Variants in FNDC3B observed in about 807,000 individuals in gnomAD.
The protein encoded by FNDC3B is fibronectin type III domain containing 3B, also known as fibronectin type III domain-containing protein 3B.
Under a neutral mutation model 151.5 loss-of-function variants are expected in FNDC3B, and 12 were observed. That is an observed-to-expected ratio of 0.08 (90% confidence interval 0.05 to 0.13). FNDC3B has a LOEUF of 0.13. Among genes scored for constraint, FNDC3B ranks in the 10% least tolerant of loss-of-function variants. The probability of loss-of-function intolerance (pLI) is 1.00; values close to 1 mark genes in which losing one functional copy is unlikely to be tolerated. For synonymous variants in FNDC3B, 528 were observed against 549.0 expected (o/e 0.96, Z 0.54); for missense variants, 1,214 against 1,505.3 (o/e 0.81, Z 3.20).
chr3:172,198,550 C>A (rs772190169), intron 3 of FNDC3B, among the ~76,000 whole-genome samples: 6 of 152,168 alleles, frequency 3.9e-5, no homozygotes, highest in Non-Finnish European at 8.8e-5. Flanking sequence ...AAATCTGACA[C>A]GTGTACATGT....
rs971605042 is a variant in FNDC3B at position 172,247,911 on chromosome 3, A to G, written c.508+135A>G. 21 of 936,160 alleles carry G rather than the reference A, an allele frequency of 2.2e-5. No homozygotes were observed. In the South Asian group the frequency reaches 3.1e-4, roughly 14 times the overall value. 58.0% of individuals were successfully genotyped at this position (936,160 alleles called of 1,614,324 possible). On this transcript the variant is annotated intron_variant, in intron 5 of 25. Transcript: ENST00000415807. The stretch of plus-strand genomic sequence containing the variant: ...AGGTGGTTTGTAAGACTCATGGGGA[A>G]TTCCTAGCTTCCTTTGTCCTGAATG...
intron 3 of FNDC3B, among the ~76,000 whole-genome samples, chr3:172,184,819 TG>T (rs1724089560): frequency 6.6e-6 from 1 of 152,216 alleles, no homozygotes; most frequent in South Asian, 2.1e-4. Context: ...TTCAGGATGG[TG>T]GGGAGCAAGA....
At chr3:172,375,100 A>T (rs1342480535) in intron 23 of FNDC3B, among the ~76,000 whole-genome samples, 2 of 152,154 alleles carry the variant, frequency 1.3e-5, no homozygotes, top group Non-Finnish European at 2.9e-5. Flanking sequence ...TTTCCTTAAG[A>T]AGAGGAAAGG....
chr3:172,267,077 A>G (rs1344668730), intron 6 of FNDC3B, among the ~76,000 whole-genome samples: 1 of 152,196 alleles, frequency 6.6e-6, no homozygotes, highest in African/African-American at 2.4e-5. Context: ...ATCTGTCTCT[A>G]CTAACACAGG....
chr3:172,229,102 C>T (rs1576818611), intron 4 of FNDC3B, among the ~76,000 whole-genome samples: 2 of 149,242 alleles, frequency 1.3e-5, no homozygotes, highest in East Asian at 3.9e-4. Context: ...CACACACACA[C>T]ACACACACAC....
intron 3 of FNDC3B, among the ~76,000 whole-genome samples, chr3:172,211,454 A>T (rs1048307300): frequency 6.6e-6 from 1 of 152,248 alleles, no homozygotes; most frequent in Admixed American, 6.5e-5. Flanking sequence ...GGACATACAG[A>T]AAATGATAAA....
At chr3:172,297,005 G>A (rs1018728239) in intron 8 of FNDC3B, among the ~76,000 whole-genome samples, 2 of 152,148 alleles carry the variant, frequency 1.3e-5, no homozygotes, top group African/African-American at 2.4e-5. Flanking sequence ...CGTGCCCAGA[G>A]AGGCTCAGCA....
intron 1 of FNDC3B, among the ~76,000 whole-genome samples, chr3:172,084,604 G>T (rs548713211): frequency 1.3e-3 from 199 of 152,160 alleles, no homozygotes; most frequent in Non-Finnish European, 2.5e-3. Flanking sequence ...TTTAGCTAAT[G>T]GTTGTCTTCA....
chr3:172,284,302 C>T (rs936530659), intron 6 of FNDC3B, among the ~76,000 whole-genome samples: 5 of 152,192 alleles, frequency 3.3e-5, no homozygotes, highest in African/African-American at 1.2e-4. Flanking sequence ...GCAAAATATG[C>T]AAGAGACCTA....
chr3:172,317,236 T>G (rs1249924474), intron 11 of FNDC3B: 1 of 431,588 alleles, frequency 2.3e-6, no homozygotes, highest in East Asian at 7.1e-5. Context: ...CAGGCTGGAG[T>G]GCAGTGGTGC....
At chr3:172,262,857 ACTGCC>A (rs1728718332) in intron 6 of FNDC3B, among the ~76,000 whole-genome samples, 1 of 121,470 alleles carries the variant, frequency 8.2e-6, no homozygotes, top group South Asian at 2.9e-4. Flanking sequence ...TGATCATGCC[ACTGCC>A]CTTTCGCCTA....
intron 21 of FNDC3B, among the ~76,000 whole-genome samples, chr3:172,351,431 A>G (rs572166398): frequency 6.6e-5 from 10 of 152,358 alleles, no homozygotes; most frequent in Admixed American, 2.6e-4. Context: ...AGGGGAGAGT[A>G]GCAGGCAATG....
intron 3 of FNDC3B, among the ~76,000 whole-genome samples, chr3:172,197,103 C>T (rs960130352): frequency 8.6e-5 from 13 of 151,994 alleles, no homozygotes; most frequent in Non-Finnish European, 1.9e-4. Context: ...ATCACTTGAA[C>T]CTGGGAGGTG....
intron 22 of FNDC3B, among the ~76,000 whole-genome samples, chr3:172,353,579 A>G (rs757297760): frequency 2.6e-5 from 4 of 152,240 alleles, no homozygotes; most frequent in African/African-American, 4.8e-5. Flanking sequence ...CTGAGGGAAC[A>G]CATGTTGAGA....
In FNDC3B at chr3:172,362,615, T is replaced by A; in HGVS notation, c.2796-18T>A. ...GCTTTAACCTGCATTGTCTGTATTTTTTTTTTCCTTTCTCTAGGATCAGAA... is the reference window on the plus strand; with the variant it reads ...GCTTTAACCTGCATTGTCTGTATTTATTTTTTCCTTTCTCTAGGATCAGAA... On this transcript the variant is annotated intron_variant, in intron 22 of 25. Coordinates refer to ENST00000415807, the MANE Select transcript of FNDC3B (RefSeq NM_022763.4). 6.3e-7 allele frequency: 1 copy of A among 1,582,162 alleles called. No homozygotes were observed. Among genetic ancestry groups the A allele is most frequent in the Non-Finnish European group, 8.7e-7 (1 of 1,151,314 alleles).
chr3:172,258,585 G>T (rs902834618), intron 6 of FNDC3B, among the ~76,000 whole-genome samples: 2 of 152,096 alleles, frequency 1.3e-5, no homozygotes, highest in Non-Finnish European at 2.9e-5. Context: ...TTCCCTCTGG[G>T]GGTCTGAGAC....
intron 12 of FNDC3B, 47 bp downstream of exon 12, chr3:172,329,123 T>A (rs138093062): frequency 6.4e-7 from 1 of 1,565,292 alleles, no homozygotes; most frequent in African/African-American, 1.4e-5. Context: ...TGGATGGTGA[T>A]CCTGAGCCTT....
chr3:172,080,931 C>T (rs76759051), intron 1 of FNDC3B, among the ~76,000 whole-genome samples: 5,217 of 152,264 alleles, frequency 0.034, 131 homozygotes, highest in Non-Finnish European at 0.053. Flanking sequence ...TTAAGGACTT[C>T]AGCTGCTTAC....
chr3:172,183,674 T>G (rs908755700), intron 3 of FNDC3B, among the ~76,000 whole-genome samples: 4 of 152,230 alleles, frequency 2.6e-5, no homozygotes, highest in Non-Finnish European at 5.9e-5. Flanking sequence ...TCTATTCTTC[T>G]TAACTAAGAT....
Sources: gnomAD v4.1 joint callset for allele counts (sites outside exome capture counted in the v4.1 genomes callset) on GRCh38, gnomAD v4.1.1 for gene constraint, MANE v1.5 for transcripts, NCBI Gene and HGNC (gene_info 2026-07-23, HGNC 2026-07-21) for gene names.